The following LIMK2 variants were observed in gnomAD, a reference collection of about 807,000 sequenced individuals.
The protein encoded by LIMK2 is LIM domain kinase 2.
In LIMK2, 35 loss-of-function variants were observed where a neutral mutation model predicts 75.7. The ratio of observed to expected loss-of-function variants is 0.46; its 90% confidence interval spans 0.35 to 0.61. The LOEUF (loss-of-function observed/expected upper bound fraction) is 0.61. Among genes scored for constraint, LIMK2 ranks in the 20% least tolerant of loss-of-function variants. The probability of loss-of-function intolerance (pLI) is 0.00; values close to 1 mark genes in which losing one functional copy is unlikely to be tolerated. For missense variants in LIMK2, 623 were observed against 831.0 expected (o/e 0.75, Z 3.08); for synonymous variants, 301 against 319.2 (o/e 0.94, Z 0.61).
At chr22:31,246,171 A>ACACG (rs879290299) in intron 2 of LIMK2, among the ~76,000 whole-genome samples, 25 of 132,666 alleles carry the variant, frequency 1.9e-4, no homozygotes, top group African/African-American at 5.1e-4. Flanking sequence ...AGACTCCGAC[A>ACACG]CACGCACGCA....
At chr22:31,277,148 C>A (rs955436081) in intron 15 of LIMK2, 1 of 1,613,402 alleles carries the variant, frequency 6.2e-7, no homozygotes, top group Non-Finnish European at 8.5e-7. Flanking sequence ...TGAGGGTCCC[C>A]GACCCAGGCG....
At chr22:31,268,037 G>T in intron 10 of LIMK2, 107 bp from the exon 11 acceptor site, 1 of 1,525,060 alleles carries the variant, frequency 6.6e-7, no homozygotes, top group South Asian at 1.1e-5. Flanking sequence ...GGGTGGGACT[G>T]AGCATACACA....
At chr22:31,233,768 A>G (rs1300508892) in intron 2 of LIMK2, among the ~76,000 whole-genome samples, 1 of 152,172 alleles carries the variant, frequency 6.6e-6, no homozygotes, top group African/African-American at 2.4e-5. Context: ...CCATCCACCC[A>G]GTGCCTAAGC....
Position 31,267,428 on chromosome 22 carries a change from G to A in LIMK2, c.1129-348G>A, listed in dbSNP as rs150025556. On this transcript the variant is annotated intron_variant, in intron 9 of 15. Coordinates refer to ENST00000331728, the MANE Select transcript of LIMK2 (RefSeq NM_005569.4). ...AAGGGAGCCTGGAGGGGAGCTCCCTGAGCACTCACACTCCTTGGGCATTTA... is the reference window on the plus strand; with the variant it reads ...AAGGGAGCCTGGAGGGGAGCTCCCTAAGCACTCACACTCCTTGGGCATTTA... Among the ~76,000 whole-genome samples the A allele has an allele frequency of 3.6e-3, 542 of 152,304 alleles. 4 individuals carry two copies. The highest frequency in any genetic ancestry group is 0.011 in the African/African-American group (478 of 41,568).
intron 2 of LIMK2, among the ~76,000 whole-genome samples, chr22:31,241,775 G>A (rs2123801909): frequency 6.6e-6 from 1 of 152,284 alleles, no homozygotes; most frequent in East Asian, 1.9e-4. Flanking sequence ...CACTAGAACA[G>A]TGATAATAAC....
intron 9 of LIMK2, among the ~76,000 whole-genome samples, 186 bp from the exon 10 acceptor site, chr22:31,267,590 T>C (rs1457202622): frequency 1.3e-5 from 2 of 152,242 alleles, no homozygotes; most frequent in African/African-American, 2.4e-5. Flanking sequence ...GTAAGGCCTA[T>C]GAAGCCATCT....
intron 2 of LIMK2, among the ~76,000 whole-genome samples, chr22:31,249,839 G>A (rs1430494135): frequency 1.3e-5 from 2 of 152,156 alleles, no homozygotes; most frequent in African/African-American, 4.8e-5. Flanking sequence ...ACAGGGGGAA[G>A]GGGGAAGGGA....
At chr22:31,268,886 C>T (rs114697669) in intron 11 of LIMK2, among the ~76,000 whole-genome samples, 1 of 152,294 alleles carries the variant, frequency 6.6e-6, no homozygotes, top group African/African-American at 2.4e-5. Context: ...GAGACTTTAG[C>T]CACTGCCCTT....
intron 4 of LIMK2, 121 bp downstream of exon 4, chr22:31,259,351 C>T (rs1490597218): frequency 1.5e-6 from 1 of 648,956 alleles, no homozygotes; most frequent in Non-Finnish European, 2.9e-6. Context: ...ATTCTTACCA[C>T]AGCAGTGCTC....
chr22:31,234,992 T>C (rs1218070140), intron 2 of LIMK2, among the ~76,000 whole-genome samples: 1 of 152,154 alleles, frequency 6.6e-6, no homozygotes, highest in Non-Finnish European at 1.5e-5. Flanking sequence ...CCCTGAAAAA[T>C]AGGTTAGGTC....
chr22:31,218,121 C>T (rs1264301791), intron 1 of LIMK2, among the ~76,000 whole-genome samples: 1 of 152,214 alleles, frequency 6.6e-6, no homozygotes, highest in African/African-American at 2.4e-5. Flanking sequence ...AACTAAGTGC[C>T]TGGCACCATG....
rs1423955922 is a variant in LIMK2, at chr22:31,279,025, C to T, written c.*584C>T. 2 of 152,148 alleles carry T rather than the reference C, an allele frequency of 1.3e-5. No individual in the cohort carries two copies. Among genetic ancestry groups the T allele is most frequent in the African/African-American group, 2.4e-5 (1 of 41,408 alleles). 9.4% of individuals were successfully genotyped at this position (152,148 alleles called of 1,614,324 possible). ...TCCCTTAATATGTGGTGGAACAGGC[C>T]AGGAGTTAGAGAAAGGGCTGGCTTC... On this transcript the variant is annotated 3_prime_UTR_variant, in exon 16 of 16. Coordinates refer to ENST00000331728, the MANE Select transcript of LIMK2 (RefSeq NM_005569.4).
Position 31,259,922 on chromosome 22 carries a change from C to T in LIMK2, c.396C>T (p.Pro132=). 6.2e-7 allele frequency: 1 copy of T among 1,609,630 alleles called. No homozygotes were observed. The highest frequency in any genetic ancestry group is 8.5e-7 in the Non-Finnish European group (1 of 1,178,868). The stretch of plus-strand genomic sequence containing the variant: ...GCCACAATGAGGTGGTGCTGGCACC[C>T]ATGTTTGAGAGACTCTCCACAGAGT... ...GKCHNEVVLA[P]MFERLSTESV... is the part of the protein sequence containing the mutation. Residue 132 remains proline, a synonymous_variant, in exon 5 of 16, where the codon CCC becomes CCT. Coordinates refer to ENST00000331728, the MANE Select transcript of LIMK2 (RefSeq NM_005569.4).
At chr22:31,258,653 C>A in intron 3 of LIMK2, 1 of 517,700 alleles carries the variant, frequency 1.9e-6, no homozygotes, top group Non-Finnish European at 3.5e-6. Flanking sequence ...GGAGGAGAGG[C>A]AGGCAGAGAG....
Position 31,262,348 on chromosome 22 carries a change from T to C in LIMK2, c.657+109T>C. On this transcript the variant is annotated intron_variant, in intron 6 of 15. Coordinates refer to ENST00000331728, the MANE Select transcript of LIMK2 (RefSeq NM_005569.4). The surrounding 1 kb of genome is among the most constrained non-coding windows in gnomAD (Gnocchi z 5.0). The stretch of plus-strand genomic sequence containing the variant: ...CCTACCCCCAGCCCATCTCTTTGTC[T>C]TAGCATTGAGCCTGTGACCACTGGT... 1 of 956,804 alleles carries C rather than the reference T, an allele frequency of 1.0e-6. No individual in the cohort carries two copies. The allele number at this position is 956,804 out of a possible 1,614,324, so 59.3% of individuals were successfully genotyped here.
intron 1 of LIMK2, among the ~76,000 whole-genome samples, chr22:31,214,794 AT>A (rs1203035245): frequency 6.6e-6 from 1 of 151,696 alleles, no homozygotes; most frequent in African/African-American, 2.4e-5. Context: ...TGGTTTTTTG[AT>A]TTTTTTGTAG....
chr22:31,248,330 T>C lies in LIMK2; in HGVS notation c.117-9961T>C, dbSNP rs2048690139. ...CTCCTCTTCCTCCCTCCCTCCCTCATTCAGGGGTGGGACTGAAGAAGAAGG... is the reference window on the plus strand; with the variant it reads ...CTCCTCTTCCTCCCTCCCTCCCTCACTCAGGGGTGGGACTGAAGAAGAAGG... On this transcript the variant is annotated intron_variant, in intron 2 of 15. Transcript: ENST00000331728. 6 of 1,210,832 alleles carry C rather than the reference T, an allele frequency of 5.0e-6. No homozygotes were observed. The South Asian group carries it at 9.0e-5, about 18-fold the overall frequency. The allele number at this position is 1,210,832 out of a possible 1,614,324, so 75.0% of individuals were successfully genotyped here.
At chr22:31,259,394 T>C (rs1396392666) in intron 4 of LIMK2, among the ~76,000 whole-genome samples, 164 bp downstream of exon 4, 1 of 152,128 alleles carries the variant, frequency 6.6e-6, no homozygotes, top group African/African-American at 2.4e-5. Flanking sequence ...AGCAGAATGA[T>C]TTACACATGT....
At chr22:31,273,089 C>T (rs1049324169) in intron 13 of LIMK2, 49 of 956,330 alleles carry the variant, frequency 5.1e-5, no homozygotes, top group Non-Finnish European at 6.0e-5. Context: ...GGTTGTGAGG[C>T]CTCAGAAATG....
Sources: gnomAD v4.1 joint callset for allele counts (sites outside exome capture counted in the v4.1 genomes callset) on GRCh38, gnomAD v4.1.1 for gene constraint, Gnocchi (gnomAD v3.1) non-coding constraint, MANE v1.5 for transcripts, NCBI Gene and HGNC (gene_info 2026-07-23, HGNC 2026-07-21) for gene names.